The following CADM2 variants were observed in gnomAD, a reference collection of about 807,000 sequenced individuals.
CADM2 encodes immunoglobulin superfamily member 4D.
CADM2 carries 12 observed loss-of-function variants against 49.8 expected under a neutral mutation model. The ratio of observed to expected loss-of-function variants is 0.24; its 90% CI spans 0.15 to 0.39. The LOEUF is 0.39. Ranked by LOEUF, CADM2 falls within the 10% of genes least tolerant of loss-of-function variation. The pLI is 1.00. For synonymous variants in CADM2, 214 were observed against 175.4 expected (o/e 1.22, Z -1.74); for missense variants, 378 against 492.3 (o/e 0.77, Z 2.20).
At chr3:86,020,122 C>G (rs886981437) in intron 8 of CADM2, among the ~76,000 whole-genome samples, 6 of 151,972 alleles carry the variant, frequency 3.9e-5, no homozygotes, top group African/African-American at 1.5e-4. Context: ...AGAGAAGAAT[C>G]AAATAGATGC....
chr3:85,609,185 G>T (rs117850505), intron 1 of CADM2, among the ~76,000 whole-genome samples: 115 of 152,036 alleles, frequency 7.6e-4, no homozygotes, highest in East Asian at 7.2e-3. Flanking sequence ...AATTGCTCCA[G>T]ATTCTCATGA....
At chr3:85,420,596 A>T (rs1371000566) in intron 1 of CADM2, among the ~76,000 whole-genome samples, 1 of 152,184 alleles carries the variant, frequency 6.6e-6, no homozygotes, top group Non-Finnish European at 1.5e-5. Context: ...CCAGGTTTTC[A>T]GTTTGAAATT....
intron 1 of CADM2, among the ~76,000 whole-genome samples, chr3:85,677,941 G>T (rs1057009585): frequency 1.3e-5 from 2 of 152,140 alleles, no homozygotes; most frequent in Admixed American, 1.3e-4. Flanking sequence ...CCATGAATCA[G>T]AAAGCATAAA....
At chr3:85,485,402 C>T (rs578107387) in intron 1 of CADM2, among the ~76,000 whole-genome samples, 2 of 152,062 alleles carry the variant, frequency 1.3e-5, no homozygotes, top group African/African-American at 4.8e-5. Flanking sequence ...ACTTCCATTC[C>T]TTCACAGTTC....
chr3:85,773,005 A>C lies in CADM2; in HGVS notation c.89-29042A>C, dbSNP rs186081838. Among the ~76,000 whole-genome samples the C allele has an allele frequency of 1.4e-3, 206 of 151,860 alleles. 2 individuals are homozygous for C. Among genetic ancestry groups the C allele is most frequent in the African/African-American group, 4.8e-3 (197 of 41,426 alleles). On this transcript the variant is annotated intron_variant, in intron 2 of 9. Coordinates refer to ENST00000383699, the MANE Select transcript of CADM2 (RefSeq NM_001167675.2). ...TATTAGTTAGGTAAAGCTAGCTCCT[A>C]TAACAGATAGATCCCAGTTGCATAA...
chr3:85,931,240 T>C (rs1720548473), intron 6 of CADM2, among the ~76,000 whole-genome samples: 1 of 151,186 alleles, frequency 6.6e-6, no homozygotes, highest in African/African-American at 2.4e-5. Flanking sequence ...AGAAAGAAAG[T>C]AAGAAAGAGA....
At chr3:85,745,118 G>A (rs554328214) in intron 2 of CADM2, among the ~76,000 whole-genome samples, 1 of 152,186 alleles carries the variant, frequency 6.6e-6, no homozygotes, top group South Asian at 2.1e-4. Flanking sequence ...AAGAGTCAAG[G>A]GTGTCTCTAA....
chr3:85,528,167 C>G (rs2061214169), intron 1 of CADM2, among the ~76,000 whole-genome samples: 1 of 152,156 alleles, frequency 6.6e-6, no homozygotes, highest in South Asian at 2.1e-4. Context: ...TTTCTCTCCT[C>G]AGGAACCTCT....
At chr3:86,033,768 C>A (rs1301225123) in intron 8 of CADM2, among the ~76,000 whole-genome samples, 1 of 145,416 alleles carries the variant, frequency 6.9e-6, no homozygotes, top group Non-Finnish European at 1.5e-5. Flanking sequence ...TATATATACA[C>A]ATTAATTATA....
rs138665680 is a variant in CADM2 at position 85,742,267 on chromosome 3, C to T, written c.88+15719C>T. 5.8e-3 allele frequency among the ~76,000 whole-genome samples: 884 copies of T among 152,300 alleles called. 12 individuals carry two copies. The highest frequency in any genetic ancestry group is 0.021 in the African/African-American group (857 of 41,564). On this transcript the variant is annotated intron_variant, in intron 2 of 9. Coordinates refer to ENST00000383699, the MANE Select transcript of CADM2 (RefSeq NM_001167675.2). The stretch of plus-strand genomic sequence containing the variant: ...CATTGGCCTGAGAGGTATTCTGTTA[C>T]ATTCAGTGGGTGAATTCACCTGATG...
intron 1 of CADM2, among the ~76,000 whole-genome samples, chr3:85,380,132 A>T (rs1308126357): frequency 6.6e-6 from 1 of 151,994 alleles, no homozygotes; most frequent in Non-Finnish European, 1.5e-5. Context: ...TAGATTATTA[A>T]ATGTTAATTA....
intron 1 of CADM2, among the ~76,000 whole-genome samples, chr3:84,985,766 C>T (rs1466522775): frequency 1.3e-5 from 2 of 152,052 alleles, no homozygotes; most frequent in Non-Finnish European, 2.9e-5. Flanking sequence ...AATTGCTGAC[C>T]TGATAATTGC....
chr3:85,278,505 C>G (rs1246621129), intron 1 of CADM2, among the ~76,000 whole-genome samples: 1 of 151,364 alleles, frequency 6.6e-6, no homozygotes, highest in Non-Finnish European at 1.5e-5. Flanking sequence ...TGTGTTGAAA[C>G]TTTTTGATTT....
intron 1 of CADM2, among the ~76,000 whole-genome samples, chr3:85,665,086 C>T (rs190725210): frequency 1.3e-5 from 2 of 152,022 alleles, no homozygotes; most frequent in East Asian, 1.9e-4. Flanking sequence ...TAATTAAGTG[C>T]ATTAGGAGCT....
At chr3:85,733,123 C>T (rs984821392) in intron 2 of CADM2, among the ~76,000 whole-genome samples, 1 of 152,146 alleles carries the variant, frequency 6.6e-6, no homozygotes, top group Non-Finnish European at 1.5e-5. Flanking sequence ...TTAAAACTCT[C>T]CTTCTTCTAG....
intron 1 of CADM2, among the ~76,000 whole-genome samples, chr3:85,341,034 T>C (rs1175941641): frequency 9.2e-5 from 14 of 151,710 alleles, no homozygotes; most frequent in Non-Finnish European, 4.4e-5. Flanking sequence ...GTGTTGCTGG[T>C]CTCAGGCCTC....
intron 1 of CADM2, among the ~76,000 whole-genome samples, chr3:85,612,397 G>A (rs1214051489): frequency 6.6e-6 from 1 of 151,628 alleles, no homozygotes; most frequent in East Asian, 1.9e-4. Context: ...TGCAAAATAA[G>A]GATTATAAAT....
At chr3:85,000,302 A>C (rs901713428) in intron 1 of CADM2, among the ~76,000 whole-genome samples, 1 of 150,446 alleles carries the variant, frequency 6.6e-6, no homozygotes, top group East Asian at 2.0e-4. Flanking sequence ...TTGCCTTTTT[A>C]TTTTTTGTAG....
At chr3:85,661,956 C>T (rs2065422134) in intron 1 of CADM2, among the ~76,000 whole-genome samples, 1 of 151,984 alleles carries the variant, frequency 6.6e-6, no homozygotes, top group South Asian at 2.1e-4. Flanking sequence ...ATTATTCTCT[C>T]TTAGAGTTAA....
Sources: gnomAD v4.1 joint callset for allele counts (sites outside exome capture counted in the v4.1 genomes callset) on GRCh38, gnomAD v4.1.1 for gene constraint, MANE v1.5 for transcripts, NCBI Gene and HGNC (gene_info 2026-07-23, HGNC 2026-07-21) for gene names.